Variants in NCAM1 observed in about 807,000 individuals in gnomAD.
NCAM1 encodes neural cell adhesion molecule 1.
A neutral mutation model predicts 109.8 loss-of-function variants in NCAM1; 14 were observed. The observed-to-expected ratio is 0.13, with a 90% CI of 0.08 to 0.20. The LOEUF is 0.20. NCAM1 is among the 10% of genes least tolerant of loss of function. The probability of loss-of-function intolerance (pLI) is 1.00; values close to 1 mark genes in which losing one functional copy is unlikely to be tolerated. For synonymous variants in NCAM1, 418 were observed against 442.9 expected (o/e 0.94, Z 0.70); for missense variants, 774 against 1,109.9 (o/e 0.70, Z 4.30).
intron 1 of NCAM1, among the ~76,000 whole-genome samples, chr11:113,126,209 AAATAAT>A (rs1232296404): frequency 6.6e-6 from 1 of 151,644 alleles, no homozygotes; most frequent in African/African-American, 2.4e-5. Flanking sequence ...TAACAACAAC[AAATAAT>A]AATAATAATA....
intron 1 of NCAM1, among the ~76,000 whole-genome samples, chr11:113,148,373 T>TTC (rs879933058): frequency 6.7e-6 from 1 of 149,636 alleles, no homozygotes; most frequent in Non-Finnish European, 1.5e-5. Flanking sequence ...TTTTTTTTTT[T>TTC]CCTTTTTTTT....
intron 8 of NCAM1, among the ~76,000 whole-genome samples, chr11:113,217,277 A>G (rs1462445865): frequency 5.3e-5 from 8 of 152,154 alleles, no homozygotes; most frequent in African/African-American, 1.9e-4. Context: ...AATGCTGAAG[A>G]GCAGAAAGAG....
chr11:113,039,634 C>A (rs1555079675), intron 1 of NCAM1, among the ~76,000 whole-genome samples: 1 of 152,032 alleles, frequency 6.6e-6, no homozygotes, highest in African/African-American at 2.4e-5. Context: ...AGCGTCAGAC[C>A]CTGGAGAAAT....
chr11:113,124,213 C>A (rs1481078733), intron 1 of NCAM1, among the ~76,000 whole-genome samples: 1 of 152,210 alleles, frequency 6.6e-6, no homozygotes, highest in Non-Finnish European at 1.5e-5. Context: ...CTTCTCTAGA[C>A]TGAGAAGGAG....
intron 1 of NCAM1, among the ~76,000 whole-genome samples, chr11:113,072,555 A>G (rs1555085461): frequency 6.6e-6 from 1 of 152,180 alleles, no homozygotes; most frequent in African/African-American, 2.4e-5. Context: ...TTTCATAGTC[A>G]TGTAGATTTC....
At chr11:113,098,461 TA>T (rs1433939707) in intron 1 of NCAM1, among the ~76,000 whole-genome samples, 18 of 152,088 alleles carry the variant, frequency 1.2e-4, no homozygotes, top group East Asian at 5.8e-4. Context: ...GTATTATTAT[TA>T]TTTTTTCAAA....
At chr11:113,085,324 T>A (rs1321694303) in intron 1 of NCAM1, among the ~76,000 whole-genome samples, 1 of 152,220 alleles carries the variant, frequency 6.6e-6, no homozygotes, top group Non-Finnish European at 1.5e-5. Context: ...CTGACTAGAT[T>A]GCAGTTATTA....
intron 9 of NCAM1, among the ~76,000 whole-genome samples, chr11:113,228,862 G>T (rs1458449333): frequency 3.3e-5 from 5 of 152,128 alleles, no homozygotes; most frequent in Non-Finnish European, 5.9e-5. Flanking sequence ...AATGGTGCTG[G>T]GAAAACTGGC....
chr11:113,158,142 A>G (rs141179469), intron 1 of NCAM1, among the ~76,000 whole-genome samples: 1 of 152,350 alleles, frequency 6.6e-6, no homozygotes, highest in East Asian at 1.9e-4. Flanking sequence ...AGTTCATCAG[A>G]CAAGTCTTTA....
At chr11:113,127,996 C>T (rs1309276395) in intron 1 of NCAM1, among the ~76,000 whole-genome samples, 6 of 152,296 alleles carry the variant, frequency 3.9e-5, no homozygotes, top group African/African-American at 1.4e-4. Flanking sequence ...TGACCAAATA[C>T]TCCCTGTGGC....
chr11:113,205,483 G>C, intron 3 of NCAM1, 40 bp from the exon 4 acceptor site: 1 of 1,584,952 alleles, frequency 6.3e-7, no homozygotes, highest in Non-Finnish European at 8.6e-7. Context: ...CTTTGTGAGA[G>C]AAGCAGCTGT....
At chr11:113,042,292 C>T (rs1222719651) in intron 1 of NCAM1, among the ~76,000 whole-genome samples, 3 of 152,192 alleles carry the variant, frequency 2.0e-5, no homozygotes, top group South Asian at 2.1e-4. Flanking sequence ...CTCCCTGCCC[C>T]TGCCGCAGCC....
intron 15 of NCAM1, among the ~76,000 whole-genome samples, chr11:113,253,061 T>C (rs1449344145): frequency 1.2e-4 from 18 of 151,918 alleles, no homozygotes; most frequent in Admixed American, 2.6e-4. Context: ...GTGTTCTAAC[T>C]ATGTCAAATG....
chr11:113,243,606 C>G, intron 14 of NCAM1: 1 of 518,634 alleles, frequency 1.9e-6, no homozygotes. Flanking sequence ...CTTCATAATG[C>G]TCTAATGAAG....
intron 8 of NCAM1, among the ~76,000 whole-genome samples, chr11:113,214,927 C>T (rs530576682): frequency 6.6e-6 from 1 of 152,138 alleles, no homozygotes; most frequent in Non-Finnish European, 1.5e-5. Flanking sequence ...CCTATTAATT[C>T]TTTTTCTTGT....
intron 14 of NCAM1, among the ~76,000 whole-genome samples, chr11:113,242,351 G>A (rs928519761): frequency 2.0e-5 from 3 of 152,168 alleles, no homozygotes; most frequent in Non-Finnish European, 4.4e-5. Flanking sequence ...CCAGCATGGT[G>A]GCTCAGGCCT....
chr11:113,269,887 G>A (rs782361519), intron 17 of NCAM1: 23 of 451,178 alleles, frequency 5.1e-5, no homozygotes, highest in African/African-American at 1.8e-4. Context: ...CTCATTATCC[G>A]GTGTTCTCAG....
At chr11:112,976,533 G>A (rs1192292277) in intron 1 of NCAM1, among the ~76,000 whole-genome samples, 2 of 151,884 alleles carry the variant, frequency 1.3e-5, no homozygotes, top group African/African-American at 4.8e-5. Context: ...GAATCCAGGT[G>A]CTTAAGTGCC....
chr11:113,014,078 C>T (rs1555074924), intron 1 of NCAM1, among the ~76,000 whole-genome samples: 1 of 151,948 alleles, frequency 6.6e-6, no homozygotes, highest in Non-Finnish European at 1.5e-5. Context: ...GGGGAAGGTA[C>T]ATTTCTAATT....
Sources: allele counts gnomAD v4.1 joint callset (sites outside exome capture counted in the v4.1 genomes callset), GRCh38; gene constraint gnomAD v4.1.1; transcripts MANE v1.5; gene names NCBI Gene and HGNC (gene_info 2026-07-23, HGNC 2026-07-21).